RIT2: variants seen among roughly 807,000 people sequenced by gnomAD.
The protein encoded by RIT2 is GTP-binding protein Rit2.
Under a neutral mutation model 23.7 loss-of-function variants are expected in RIT2, and 24 were observed. That is an observed-to-expected ratio of 1.01 (90% CI 0.73 to 1.43). The LOEUF is 1.43. Ranked by LOEUF, RIT2 falls within the 40% of genes most tolerant of loss-of-function variation. RIT2 has a pLI of 0.00. For synonymous variants in RIT2, 107 were observed against 91.1 expected (o/e 1.17, Z -0.99); for missense variants, 236 against 266.9 (o/e 0.88, Z 0.81).
intron 4 of RIT2, among the ~76,000 whole-genome samples, chr18:42,774,570 A>C (rs1243518529): frequency 6.6e-6 from 1 of 152,084 alleles, no homozygotes; most frequent in Non-Finnish European, 1.5e-5. Flanking sequence ...CAGGTCAATC[A>C]GGTAGACAGG....
intron 4 of RIT2, among the ~76,000 whole-genome samples, chr18:42,850,256 A>G (rs1440622484): frequency 6.6e-6 from 1 of 152,184 alleles, no homozygotes; most frequent in Non-Finnish European, 1.5e-5. Flanking sequence ...TATCAAAACA[A>G]TCAGTTAACA....
At chr18:43,092,761 A>G (rs1321761692) in intron 1 of RIT2, among the ~76,000 whole-genome samples, 1 of 152,052 alleles carries the variant, frequency 6.6e-6, no homozygotes, top group Non-Finnish European at 1.5e-5. Flanking sequence ...ACAGTGAGGC[A>G]AGAGAGTATT....
intron 4 of RIT2, among the ~76,000 whole-genome samples, chr18:42,867,327 C>T (rs1907498611): frequency 6.6e-6 from 1 of 152,112 alleles, no homozygotes; most frequent in Admixed American, 6.5e-5. Context: ...TTCGGTAAGC[C>T]TGGATTTGCT....
intron 1 of RIT2, among the ~76,000 whole-genome samples, chr18:43,077,537 T>C (rs1252578322): frequency 2.6e-5 from 4 of 152,214 alleles, no homozygotes; most frequent in African/African-American, 9.6e-5. Flanking sequence ...GTTTTTATCA[T>C]TATTACATTT....
intron 2 of RIT2, among the ~76,000 whole-genome samples, chr18:42,993,631 C>G (rs1363604703): frequency 1.3e-5 from 2 of 152,072 alleles, no homozygotes; most frequent in African/African-American, 4.8e-5. Flanking sequence ...TGCCCAGTTC[C>G]CTTATCAGGC....
intron 4 of RIT2, among the ~76,000 whole-genome samples, chr18:42,766,477 C>G (rs1320012288): frequency 6.6e-6 from 1 of 152,156 alleles, no homozygotes; most frequent in Non-Finnish European, 1.5e-5. Flanking sequence ...AATTTCTAAG[C>G]AGCAAAGCAT....
chr18:42,937,011 T>TA lies in RIT2; in HGVS notation c.235-13249dup, dbSNP rs556983208. 8.8e-3 allele frequency among the ~76,000 whole-genome samples: 1,183 copies of TA among 134,196 alleles called. 15 individuals are homozygous for TA. Among genetic ancestry groups the TA allele is most frequent in the African/African-American group, 0.028 (1,018 of 36,436 alleles). The allele number at this position is 134,196 out of a possible 152,430, so 88.0% of individuals were successfully genotyped here. ...TGGGCAACAAGAGCAAAACTCAACT[T>TA]AAAAAAAAAAAAAAAGGAGAGAGAG... On this transcript the variant is annotated intron_variant, in intron 3 of 4. Transcript: ENST00000326695.
chr18:43,041,009 T>C (rs1912116515), intron 1 of RIT2, among the ~76,000 whole-genome samples: 2 of 152,136 alleles, frequency 1.3e-5, no homozygotes, highest in African/African-American at 4.8e-5. Flanking sequence ...ACCTACATGC[T>C]AGAAATATAT....
chr18:43,107,799 T>G (rs4561553), intron 1 of RIT2, among the ~76,000 whole-genome samples: 75,881 of 151,774 alleles, frequency 0.5, 19,728 homozygotes, highest in Non-Finnish European at 0.59. Context: ...CACTCTCCGT[T>G]GTTTGTGTAG....
At chr18:42,885,386 T>C (rs1907994809) in intron 4 of RIT2, among the ~76,000 whole-genome samples, 1 of 152,098 alleles carries the variant, frequency 6.6e-6, no homozygotes, top group Non-Finnish European at 1.5e-5. Context: ...GAGATCAAGA[T>C]CATCCTGGCT....
At chr18:42,778,464 T>G (rs181981952) in intron 4 of RIT2, among the ~76,000 whole-genome samples, 1 of 152,298 alleles carries the variant, frequency 6.6e-6, no homozygotes, top group Admixed American at 6.6e-5. Flanking sequence ...TTATAAACAC[T>G]TATACTCCAT....
intron 4 of RIT2, among the ~76,000 whole-genome samples, chr18:42,828,003 C>CAAAAAAAAAAAAAAAA (rs200737336): frequency 1.9e-5 from 1 of 51,744 alleles, no homozygotes; most frequent in Non-Finnish European, 4.0e-5. Context: ...GACTCCGTCT[C>CAAAAAAAAAAAAAAAA]AAAAAAAAAA....
At chr18:43,108,174 C>CAAAA (rs35014387) in intron 1 of RIT2, among the ~76,000 whole-genome samples, 1 of 136,410 alleles carries the variant, frequency 7.3e-6, no homozygotes. Flanking sequence ...GACTCCATCT[C>CAAAA]AAAAAAAAAA....
intron 2 of RIT2, among the ~76,000 whole-genome samples, chr18:42,984,394 C>T (rs1191661807): frequency 6.6e-6 from 1 of 151,914 alleles, no homozygotes; most frequent in Non-Finnish European, 1.5e-5. Flanking sequence ...TTTGTGGGTG[C>T]CAGGAATTGT....
chr18:43,111,351 TA>T (rs1913948781), intron 1 of RIT2, among the ~76,000 whole-genome samples: 1 of 152,096 alleles, frequency 6.6e-6, no homozygotes, highest in Non-Finnish European at 1.5e-5. Context: ...AAATTGTGGT[TA>T]GATGGAATGA....
At chr18:42,923,191 A>G (rs1598716192) in intron 4 of RIT2, among the ~76,000 whole-genome samples, 1 of 152,136 alleles carries the variant, frequency 6.6e-6, no homozygotes, top group African/African-American at 2.4e-5. Flanking sequence ...TTTTGTCCAC[A>G]TGACTATCTT....
At chr18:42,817,484 T>C (rs978401466) in intron 4 of RIT2, among the ~76,000 whole-genome samples, 4 of 152,194 alleles carry the variant, frequency 2.6e-5, no homozygotes, top group Non-Finnish European at 5.9e-5. Flanking sequence ...ATTTATTAGA[T>C]GTCATAATTA....
At position 42,936,749 on chromosome 18, in the gene RIT2, C is replaced by T. The variant is rs541865765; in HGVS notation, c.235-12986G>A. Among the ~76,000 whole-genome samples the T allele has an allele frequency of 3.5e-4, 54 of 152,218 alleles. No homozygotes were observed. The South Asian group carries it at 0.011, about 30-fold the overall frequency. The stretch of plus-strand genomic sequence containing the variant: ...AATGTGGGCCAGGCACGGTGGCTCA[C>T]GCCTGTAATCCCAGCATTTTGGGAG... On this transcript the variant is annotated intron_variant, in intron 3 of 4. Transcript: ENST00000326695.
intron 1 of RIT2, among the ~76,000 whole-genome samples, chr18:43,040,198 A>G (rs1235678787): frequency 2.0e-5 from 3 of 152,204 alleles, no homozygotes; most frequent in African/African-American, 7.2e-5. Flanking sequence ...AATATAGTGA[A>G]TTCTAGATGT....
Sources: allele counts gnomAD v4.1 joint callset (sites outside exome capture counted in the v4.1 genomes callset), GRCh38; gene constraint gnomAD v4.1.1; transcripts MANE v1.5; gene names NCBI Gene and HGNC (gene_info 2026-07-23, HGNC 2026-07-21).